The following PCLO variants were observed in gnomAD, a reference collection of about 807,000 sequenced individuals.
PCLO encodes the protein piccolo presynaptic cytomatrix protein.
In PCLO, 82 loss-of-function variants were observed where a neutral mutation model predicts 427.5. The ratio of observed to expected loss-of-function variants is 0.19; its 90% CI spans 0.16 to 0.23. The LOEUF is 0.23. PCLO is among the 10% of genes least tolerant of loss of function. The pLI, the probability that PCLO is intolerant of heterozygous loss-of-function variation, is 1.00. For missense variants in PCLO, 6,239 were observed against 6,115.9 expected (o/e 1.02, Z -0.67); for synonymous variants, 2,357 against 2,155.4 (o/e 1.09, Z -2.59).
chr7:82,811,450 G>A (rs1432254476), intron 20 of PCLO, among the ~76,000 whole-genome samples: 2 of 151,158 alleles, frequency 1.3e-5, no homozygotes, highest in African/African-American at 4.8e-5. Context: ...TTACTAAAGG[G>A]ATTTTGCAGT....
chr7:83,028,800 G>A (rs187457883), intron 3 of PCLO, among the ~76,000 whole-genome samples: 65 of 149,208 alleles, frequency 4.4e-4, no homozygotes, highest in African/African-American at 1.5e-3. Flanking sequence ...CAGAAATAAC[G>A]CCGCGTATCT....
intron 21 of PCLO, among the ~76,000 whole-genome samples, chr7:82,803,711 A>G (rs1450091889): frequency 6.6e-6 from 1 of 152,170 alleles, no homozygotes; most frequent in Non-Finnish European, 1.5e-5. Flanking sequence ...ATCGCTAGAT[A>G]TTTATTAAAC....
In PCLO at chr7:82,902,667, C is replaced by A; in HGVS notation, c.13512G>T (p.Lys4504Asn). 1 of 1,585,668 alleles carries A rather than the reference C, an allele frequency of 6.3e-7. No homozygotes were observed. Among genetic ancestry groups the A allele is most frequent in the Non-Finnish European group, 8.7e-7 (1 of 1,155,442 alleles). Reference protein sequence around the residue: ...HARIKITRDSKDHTVSGNGLG... With the variant: ...HARIKITRDSNDHTVSGNGLG... ...TTGCTTTACCTGAAACTGTGTGATC[C>A]TTTGAGTCTCTTGTTATTTTTATCC... The change falls in exon 9 of 25, where the codon AAG becomes AAT. Residue 4504 changes from lysine to asparagine, a missense_variant. Lys to Asn is a moderately conservative substitution (Grantham distance 94). Coordinates refer to ENST00000333891, the MANE Select transcript of PCLO (RefSeq NM_033026.6).
chr7:82,846,438 A>T, intron 12 of PCLO, 129 bp downstream of exon 12: 1 of 643,150 alleles, frequency 1.6e-6, no homozygotes, highest in South Asian at 1.9e-5. Context: ...AAAAAAATCT[A>T]TCCATAACTT....
intron 3 of PCLO, among the ~76,000 whole-genome samples, chr7:83,095,718 A>C (rs1790517361): frequency 6.6e-6 from 1 of 152,018 alleles, no homozygotes; most frequent in Admixed American, 6.5e-5. Flanking sequence ...TTAATCTCCA[A>C]GTGTTTGGAG....
chr7:82,822,100 T>TG, intron 20 of PCLO: 1 of 1,032,496 alleles, frequency 9.7e-7, no homozygotes, highest in African/African-American at 1.7e-5. Flanking sequence ...TGTGCACTTT[T>TG]TTTTTTTTGG....
intron 3 of PCLO, among the ~76,000 whole-genome samples, chr7:82,990,439 T>G (rs1796351353): frequency 6.6e-6 from 1 of 152,128 alleles, no homozygotes; most frequent in African/African-American, 2.4e-5. Flanking sequence ...ACCTTTTATA[T>G]ACCCACTGGA....
chr7:83,035,332 T>C lies in PCLO; in HGVS notation c.3301-68845A>G, dbSNP rs149562697. ...GGTTGTATCTTTTATTAACTTTCTA[T>C]TGACTAGGCTATTTTACAACTTTGT... On this transcript the variant is annotated intron_variant, in intron 3 of 24. Transcript: ENST00000333891. Among the ~76,000 whole-genome samples, 135 of 152,326 alleles carry C rather than the reference T, an allele frequency of 8.9e-4. 1 individual carries two copies. The highest frequency in any genetic ancestry group is 2.9e-3 in the African/African-American group (120 of 41,588).
At chr7:82,768,533 A>T (rs552137840) in intron 22 of PCLO, among the ~76,000 whole-genome samples, 2 of 152,224 alleles carry the variant, frequency 1.3e-5, no homozygotes, top group East Asian at 3.9e-4. Context: ...TAAAATATTT[A>T]TTGAAATTAA....
intron 20 of PCLO, among the ~76,000 whole-genome samples, chr7:82,815,000 A>T (rs1287912425): frequency 6.6e-6 from 1 of 151,934 alleles, no homozygotes; most frequent in African/African-American, 2.4e-5. Context: ...CATGCTATTT[A>T]TTTTTAATTT....
chr7:83,056,504 C>G (rs982137819), intron 3 of PCLO, among the ~76,000 whole-genome samples: 3 of 152,172 alleles, frequency 2.0e-5, no homozygotes, highest in African/African-American at 7.2e-5. Context: ...AATAAATGCA[C>G]TTGTCTTTAC....
intron 6 of PCLO, among the ~76,000 whole-genome samples, chr7:82,932,221 T>A (rs1414451607): frequency 6.6e-6 from 1 of 152,098 alleles, no homozygotes; most frequent in Non-Finnish European, 1.5e-5. Flanking sequence ...TATTTCCACT[T>A]GTGGGTCTTC....
intron 8 of PCLO, 53 bp downstream of exon 8, chr7:82,908,824 G>A: frequency 1.4e-6 from 2 of 1,469,892 alleles, no homozygotes; most frequent in Middle Eastern, 1.8e-4. Context: ...TTCTAGGGTA[G>A]ACTTGAGTCT....
chr7:83,022,725 C>T, intron 3 of PCLO, among the ~76,000 whole-genome samples: 1 of 152,028 alleles, frequency 6.6e-6, no homozygotes, highest in East Asian at 1.9e-4. Flanking sequence ...TTTTTTTAAG[C>T]CTGCAATGAA....
rs201214922 is a variant in PCLO, at chr7:82,826,699, T to G, written c.14344-39A>C. The stretch of plus-strand genomic sequence containing the variant: ...ATAGAAATCTAATTAAACCTATCTT[T>G]CCATCATACATTTTCATTACACACA... On this transcript the variant is annotated intron_variant, in intron 17 of 24. Transcript: ENST00000333891. The G allele has an allele frequency of 4.5e-6, 6 of 1,319,806 alleles. No individual in the cohort carries two copies. The African/African-American group carries it at 8.7e-5, about 19-fold the overall frequency. 81.8% of individuals were successfully genotyped at this position (1,319,806 alleles called of 1,614,324 possible). A position where few individuals can be genotyped will look rare whatever the true frequency, so the allele number is the denominator to read the frequency against.
At chr7:83,054,800 T>C (rs188920148) in intron 3 of PCLO, among the ~76,000 whole-genome samples, 3 of 152,174 alleles carry the variant, frequency 2.0e-5, no homozygotes, top group African/African-American at 7.2e-5. Context: ...AATTTCCTCC[T>C]TGGGAATTTA....
intron 10 of PCLO, among the ~76,000 whole-genome samples, chr7:82,876,121 G>GA (rs1160894835): frequency 1.3e-5 from 2 of 151,874 alleles, no homozygotes; most frequent in African/African-American, 4.8e-5. Flanking sequence ...TAAACAGGTG[G>GA]AAAAATCCAA....
At position 82,845,344 on chromosome 7, in the gene PCLO, C is replaced by G; in HGVS notation, c.13973G>C (p.Gly4658Ala). 1 of 1,613,446 alleles carries G rather than the reference C, an allele frequency of 6.2e-7. No homozygotes were observed. Among genetic ancestry groups the G allele is most frequent in the Non-Finnish European group, 8.5e-7 (1 of 1,179,662 alleles). ...CCCAGGGCTGGGAACGGAACTGGAT[C>G]CTGCTGATGTAGGACCTGAATGAAC... ...SHVHSGPTSA[G>A]SSSVPSPGQP... Residue 4658 changes from glycine to alanine, a missense_variant, in exon 13 of 25, where the codon GGA (glycine) becomes GCA (alanine). Physicochemically the swap from Gly to Ala is moderately conservative, Grantham distance 60 (BLOSUM62 0). This residue lies in a region of PCLO where 877 missense variants were observed against 925.5 expected (regional missense o/e 0.95). Coordinates refer to ENST00000333891, the MANE Select transcript of PCLO (RefSeq NM_033026.6).
intron 3 of PCLO, among the ~76,000 whole-genome samples, chr7:83,033,029 A>T (rs1788709972): frequency 6.6e-6 from 1 of 151,990 alleles, no homozygotes; most frequent in South Asian, 2.1e-4. Context: ...GTTGTTTGAT[A>T]AGTGTTTGGC....
Sources: gnomAD v4.1 joint callset for allele counts (sites outside exome capture counted in the v4.1 genomes callset) on GRCh38, gnomAD v4.1.1 for gene constraint, gnomAD v4.1.1 regional missense constraint, MANE v1.5 for transcripts, NCBI Gene and HGNC (gene_info 2026-07-23, HGNC 2026-07-21) for gene names.